SEPTIN9: variants seen among roughly 807,000 people sequenced by gnomAD.
The protein encoded by SEPTIN9 is septin 9.
Under a neutral mutation model 56.6 loss-of-function variants are expected in SEPTIN9, and 13 were observed. The observed-to-expected ratio is 0.23, with a 90% confidence interval of 0.15 to 0.37. The LOEUF is 0.37. Among genes scored for constraint, SEPTIN9 ranks in the 10% least tolerant of loss-of-function variants. SEPTIN9 has a pLI of 1.00. For missense variants in SEPTIN9, 650 were observed against 823.1 expected, an observed-to-expected ratio of 0.79 and a Z score of 2.57; for synonymous variants, 332 against 334.1, an observed-to-expected ratio of 0.99 and a Z score of 0.07.
chr17:77,485,020 T>TG (rs2039678128), intron 4 of SEPTIN9, among the ~76,000 whole-genome samples: 1 of 80,088 alleles, frequency 1.2e-5, no homozygotes, highest in Admixed American at 1.3e-4. Context: ...TGGTGGTGAT[T>TG]GTGATGGTGG....
At chr17:77,328,837 G>A (rs923479158) in intron 2 of SEPTIN9, among the ~76,000 whole-genome samples, 11 of 152,218 alleles carry the variant, frequency 7.2e-5, no homozygotes, top group Admixed American at 3.3e-4. Flanking sequence ...TGAGGACTGT[G>A]AAGAAGCTAA....
intron 3 of SEPTIN9, chr17:77,427,041 A>G (rs917677631): frequency 6.6e-6 from 1 of 152,250 alleles, no homozygotes; most frequent in African/African-American, 2.4e-5. Flanking sequence ...ACAAGCAGCT[A>G]AGGAATTGCT....
chr17:77,451,641 G>C lies in SEPTIN9; in HGVS notation c.722-30503G>C, dbSNP rs1048377947. ...CCATGGTGGCGGTGCCGGGAGCCACGCTGTCCCTGGGCCCCGGCCCGAGGC... is the reference window on the plus strand; with the variant it reads ...CCATGGTGGCGGTGCCGGGAGCCACCCTGTCCCTGGGCCCCGGCCCGAGGC... On this transcript the variant is annotated intron_variant, in intron 3 of 11. Transcript: ENST00000427177. The surrounding 1 kb of genome is among the most constrained non-coding windows in gnomAD (Gnocchi z 4.2). The C allele has an allele frequency of 1.7e-5, 14 of 817,990 alleles. No homozygotes were observed. Among genetic ancestry groups the C allele is most frequent in the African/African-American group, 1.9e-5 (1 of 53,982 alleles). The allele number at this position is 817,990 out of a possible 1,614,324, so 50.7% of individuals were successfully genotyped here.
At chr17:77,463,727 C>T (rs1256720979) in intron 3 of SEPTIN9, among the ~76,000 whole-genome samples, 3 of 152,038 alleles carry the variant, frequency 2.0e-5, no homozygotes, top group Non-Finnish European at 4.4e-5. Flanking sequence ...CCTGTAATCC[C>T]AGCTACTTGG....
At chr17:77,312,988 G>A (rs1341850013) in intron 2 of SEPTIN9, among the ~76,000 whole-genome samples, 1 of 151,976 alleles carries the variant, frequency 6.6e-6, no homozygotes, top group African/African-American at 2.4e-5. Flanking sequence ...AGAGTTCTAT[G>A]GGGGGGCGCT....
chr17:77,439,425 A>G (rs942886046), intron 3 of SEPTIN9, among the ~76,000 whole-genome samples: 6 of 152,020 alleles, frequency 3.9e-5, no homozygotes, highest in African/African-American at 1.4e-4. Context: ...GAGAGAAGAG[A>G]TGGAAGTACC....
At chr17:77,397,073 T>C in intron 2 of SEPTIN9, 1 of 154,946 alleles carries the variant, frequency 6.5e-6, no homozygotes, top group African/African-American at 2.4e-5. Flanking sequence ...AGGGGTTTCA[T>C]CTTCCCAGGG....
At chr17:77,394,848 T>G (rs1359352519) in intron 2 of SEPTIN9, among the ~76,000 whole-genome samples, 1 of 152,174 alleles carries the variant, frequency 6.6e-6, no homozygotes, top group Non-Finnish European at 1.5e-5. Context: ...CTGCTCCTGT[T>G]TCGACCCCGC....
rs2037895292 is a variant in SEPTIN9 at position 77,449,754 on chromosome 17, C to G, written c.722-32390C>G. Among the ~76,000 whole-genome samples the G allele has an allele frequency of 6.6e-6, 1 of 152,056 alleles. No individual in the cohort carries two copies. On this transcript the variant is annotated intron_variant, in intron 3 of 11. Coordinates refer to ENST00000427177, the MANE Select transcript of SEPTIN9 (RefSeq NM_001113491.2). The surrounding 1 kb of genome is among the most constrained non-coding windows in gnomAD (Gnocchi z 4.6). ...GGCTGCAGACAGTGGAAAAGACAGG[C>G]TCTTCTCACTCCCAGTGCTGGGGAA...
In SEPTIN9 at chr17:77,429,058, T is replaced by C; in HGVS notation, c.721+26355T>C. 2.1e-6 allele frequency: 1 copy of C among 471,610 alleles called. No individual in the cohort carries two copies. The highest frequency in any genetic ancestry group is 1.5e-5 in the South Asian group (1 of 64,572). The allele number at this position is 471,610 out of a possible 1,614,324, so 29.2% of individuals were successfully genotyped here. ...GCAGCCCTCCGCCCCCTGCTCCTGG[T>C]TGCAGATGTACCTGTTCTTGGCTAT... On this transcript the variant is annotated intron_variant, in intron 3 of 11. Coordinates refer to ENST00000427177, the MANE Select transcript of SEPTIN9 (RefSeq NM_001113491.2). This position sits in a 1 kb window ranked among gnomAD's most constrained non-coding sequence, Gnocchi z 5.2.
chr17:77,484,462 T>TGTG (rs1227725320), intron 4 of SEPTIN9, among the ~76,000 whole-genome samples: 1 of 111,934 alleles, frequency 8.9e-6, no homozygotes. Flanking sequence ...TGGTGGTGAT[T>TGTG]GTGGTGGTGG....
chr17:77,376,207 G>A, intron 2 of SEPTIN9: 1 of 986,546 alleles, frequency 1.0e-6, no homozygotes, highest in Non-Finnish European at 1.2e-6. Flanking sequence ...TGGAGAGGGG[G>A]CTGGGGCATA....
intron 3 of SEPTIN9, among the ~76,000 whole-genome samples, chr17:77,477,739 A>G (rs1026565054): frequency 3.5e-4 from 53 of 152,198 alleles, no homozygotes; most frequent in African/African-American, 1.3e-3. Flanking sequence ...GCCAGAAACC[A>G]GAGCCTGAGG....
chr17:77,428,958 C>A, intron 3 of SEPTIN9: 2 of 457,004 alleles, frequency 4.4e-6, no homozygotes, highest in South Asian at 3.1e-5. Flanking sequence ...CATGTCACAG[C>A]CCTGGTTATA....
rs2033271999 is a variant in SEPTIN9, at chr17:77,329,632, A to G, written c.76+22435A>G. 1.3e-5 allele frequency among the ~76,000 whole-genome samples: 2 copies of G among 152,066 alleles called. No individual in the cohort carries two copies. The highest frequency in any genetic ancestry group is 4.8e-5 in the African/African-American group (2 of 41,406). ...GGATGCTGAGTCTCTGGGCAGGGAC[A>G]TGGTGAGCCCTGGTGTGATGCACTT... On this transcript the variant is annotated intron_variant, in intron 2 of 11. Coordinates refer to ENST00000427177, the MANE Select transcript of SEPTIN9 (RefSeq NM_001113491.2). This position sits in a 1 kb window ranked among gnomAD's most constrained non-coding sequence, Gnocchi z 4.3.
chr17:77,363,106 G>A (rs2034465706), intron 2 of SEPTIN9, among the ~76,000 whole-genome samples: 1 of 152,224 alleles, frequency 6.6e-6, no homozygotes, highest in African/African-American at 2.4e-5. Context: ...TATGCACCAG[G>A]TGACAGAGGC....
chr17:77,404,009 C>A (rs1370305399), intron 3 of SEPTIN9, among the ~76,000 whole-genome samples: 1 of 152,142 alleles, frequency 6.6e-6, no homozygotes, highest in African/African-American at 2.4e-5. Flanking sequence ...ACTCTAGGAA[C>A]CTTGTGTGTG....
chr17:77,320,380 C>T (rs1360777887), intron 2 of SEPTIN9: 2 of 1,584,752 alleles, frequency 1.3e-6, no homozygotes, highest in South Asian at 1.1e-5. Flanking sequence ...CATCGGCCGC[C>T]CCCCACTGCC....
At chr17:77,294,103 CAAA>C (rs376507344) in intron 1 of SEPTIN9, among the ~76,000 whole-genome samples, 66,363 of 115,658 alleles carry the variant, frequency 0.57, 17,843 homozygotes, top group East Asian at 0.78. Flanking sequence ...GACCATGTCT[CAAA>C]AAAAAAAAAA....
Sources: allele counts gnomAD v4.1 joint callset (sites outside exome capture counted in the v4.1 genomes callset), GRCh38; gene constraint gnomAD v4.1.1; non-coding constraint Gnocchi (gnomAD v3.1); transcripts MANE v1.5; gene names NCBI Gene and HGNC (gene_info 2026-07-23, HGNC 2026-07-21).